The following CD109 variants were observed in gnomAD, a reference collection of about 807,000 sequenced individuals.
CD109 encodes CD109 antigen.
Under a neutral mutation model 165.8 loss-of-function variants are expected in CD109, and 149 were observed. That is an observed-to-expected ratio of 0.90 (90% CI 0.79 to 1.03). The LOEUF is 1.03. Among genes scored for constraint, CD109 ranks in the 50% least tolerant of loss-of-function variants. The probability of loss-of-function intolerance (pLI) is 0.00; values close to 1 mark genes in which losing one functional copy is unlikely to be tolerated. For synonymous variants in CD109, 585 were observed against 592.1 expected (o/e 0.99, Z 0.18); for missense variants, 1,712 against 1,677.8 (o/e 1.02, Z -0.36).
intron 15 of CD109, 93 bp downstream of exon 15, chr6:73,771,674 A>G: frequency 1.2e-6 from 1 of 826,736 alleles, no homozygotes; most frequent in South Asian, 2.6e-5. Flanking sequence ...AGAAAATTTC[A>G]TTAGTTCCTT....
At chr6:73,812,373 A>C (rs1030626054) in intron 29 of CD109, 103 bp downstream of exon 29, 2 of 723,722 alleles carry the variant, frequency 2.8e-6, no homozygotes, top group African/African-American at 3.6e-5. Context: ...ATAATTCCTA[A>C]TGATTTACAT....
At chr6:73,709,854 C>CA (rs1212293798) in intron 2 of CD109, among the ~76,000 whole-genome samples, 15 of 152,158 alleles carry the variant, frequency 9.9e-5, no homozygotes, top group Non-Finnish European at 4.4e-5. Context: ...ATGATTATCT[C>CA]AACAGATGCA....
intron 3 of CD109, among the ~76,000 whole-genome samples, chr6:73,729,095 C>T (rs1381134720): frequency 1.3e-5 from 2 of 152,204 alleles, no homozygotes; most frequent in Admixed American, 1.3e-4. Context: ...GGCCCTGGTT[C>T]CTCCCAATGT....
chr6:73,716,572 T>G (rs1771752543), intron 2 of CD109, among the ~76,000 whole-genome samples: 1 of 152,256 alleles, frequency 6.6e-6, no homozygotes, highest in Admixed American at 6.5e-5. Context: ...TTGCCATTTG[T>G]ATGTCTTCTT....
intron 5 of CD109, among the ~76,000 whole-genome samples, chr6:73,754,348 G>A (rs971683836): frequency 6.6e-6 from 1 of 152,112 alleles, no homozygotes; most frequent in Non-Finnish European, 1.5e-5. Flanking sequence ...ATGCATAAAG[G>A]AAACAAGGAA....
chr6:73,804,794 A>T (rs1386736066), intron 24 of CD109, among the ~76,000 whole-genome samples: 1 of 152,202 alleles, frequency 6.6e-6, no homozygotes, highest in African/African-American at 2.4e-5. Context: ...AATATCTAGA[A>T]CAGTCCAAAG....
chr6:73,779,165 A>G (rs560397160), intron 15 of CD109, among the ~76,000 whole-genome samples: 2 of 151,934 alleles, frequency 1.3e-5, no homozygotes, highest in South Asian at 4.1e-4. Flanking sequence ...CATTTATATA[A>G]TATTTGCCCT....
the CD109 span, among the ~76,000 whole-genome samples, chr6:73,685,477 T>C: frequency 6.6e-6 from 1 of 152,208 alleles, no homozygotes; most frequent in Non-Finnish European, 1.5e-5. Context: ...TTTTGTATCA[T>C]ACAACATCAA....
intron 32 of CD109, among the ~76,000 whole-genome samples, chr6:73,821,633 A>G (rs1157116835): frequency 6.6e-6 from 1 of 152,222 alleles, no homozygotes; most frequent in Non-Finnish European, 1.5e-5. Context: ...AGAAAACCAA[A>G]TATCACATGT....
At chr6:73,725,340 T>C (rs531753602) in intron 3 of CD109, among the ~76,000 whole-genome samples, 12 of 152,052 alleles carry the variant, frequency 7.9e-5, no homozygotes, top group Non-Finnish European at 1.8e-4. Context: ...TAAAGCACAA[T>C]AATTGTCTGG....
intron 2 of CD109, among the ~76,000 whole-genome samples, chr6:73,701,611 T>A (rs1771083770): frequency 2.0e-5 from 3 of 152,248 alleles, no homozygotes; most frequent in African/African-American, 7.2e-5. Context: ...TTTCGTGATG[T>A]CCTTGAAACC....
intron 5 of CD109, among the ~76,000 whole-genome samples, chr6:73,750,706 T>C (rs566819472): frequency 6.6e-6 from 1 of 152,342 alleles, no homozygotes; most frequent in East Asian, 1.9e-4. Flanking sequence ...AGCAATATAA[T>C]TTCATTTATG....
intron 4 of CD109, among the ~76,000 whole-genome samples, chr6:73,734,064 C>T (rs188526033): frequency 4.6e-5 from 7 of 152,284 alleles, no homozygotes; most frequent in East Asian, 3.9e-4. Context: ...AGCAGATGGC[C>T]GCATGCAAAT....
At chr6:73,690,140 C>T in the CD109 span, among the ~76,000 whole-genome samples, 1 of 152,136 alleles carries the variant, frequency 6.6e-6, no homozygotes, top group Non-Finnish European at 1.5e-5. Context: ...TCATTATGTA[C>T]ATCTATTCGA....
chr6:73,810,272 AAT>A, intron 27 of CD109, 98 bp downstream of exon 27: 1 of 329,570 alleles, frequency 3.0e-6, no homozygotes, highest in Non-Finnish European at 4.8e-6. Flanking sequence ...ATATTATATA[AAT>A]CATATGTTAT....
rs147342140 is a variant in CD109 at position 73,730,401 on chromosome 6, G to A, written c.334G>A (p.Asp112Asn). Residue 112 changes from aspartate (D) to asparagine (N), a missense_variant, in exon 4 of 33, where the codon GAT (aspartate) becomes AAT (asparagine). Coordinates refer to ENST00000287097, the MANE Select transcript of CD109 (RefSeq NM_133493.5). ...YELRVTGRTQ[D>N]EILFSNSTRL... ...GCTACGTGTAACCGGACGTACCCAG[G>A]ATGAGATTTTATTCTCTAATAGTAC... The A allele has an allele frequency of 1.8e-3, 2,882 of 1,614,052 alleles. 3 individuals carry two copies. The highest frequency in any genetic ancestry group is 2.3e-3 in the Non-Finnish European group (2,706 of 1,179,960).
intron 23 of CD109, among the ~76,000 whole-genome samples, chr6:73,793,879 TATA>T (rs975233752): frequency 2.0e-5 from 3 of 152,250 alleles, no homozygotes; most frequent in African/African-American, 7.2e-5. Context: ...GAGGATTCAC[TATA>T]ATCTAAGAGA....
rs1774435996 is a variant in CD109, at chr6:73,780,332, A to G, written c.1828-92A>G. On this transcript the variant is annotated intron_variant, in intron 15 of 32. Coordinates refer to ENST00000287097, the MANE Select transcript of CD109 (RefSeq NM_133493.5). Reference sequence around the variant, plus strand: ...TTTGTGTCATTTTCAAAGTTGATAAACATGAAGGCTAAGTCTTATCTAAGT... The same window carrying G: ...TTTGTGTCATTTTCAAAGTTGATAAGCATGAAGGCTAAGTCTTATCTAAGT... 6 of 803,884 alleles carry G rather than the reference A, an allele frequency of 7.5e-6. No homozygotes were observed. The East Asian group carries it at 1.5e-4, about 20-fold the overall frequency. 49.8% of individuals were successfully genotyped at this position (803,884 alleles called of 1,614,324 possible).
intron 2 of CD109, among the ~76,000 whole-genome samples, chr6:73,717,809 CG>C (rs1253744139): frequency 6.6e-6 from 1 of 151,168 alleles, no homozygotes; most frequent in African/African-American, 2.4e-5. Flanking sequence ...TTAGTAGAGA[CG>C]GGGTTTCACC....
Sources: gnomAD v4.1 joint callset for allele counts (sites outside exome capture counted in the v4.1 genomes callset) on GRCh38, gnomAD v4.1.1 for gene constraint, MANE v1.5 for transcripts, NCBI Gene and HGNC (gene_info 2026-07-23, HGNC 2026-07-21) for gene names.